Variants in ARNT observed in about 807,000 individuals in gnomAD.
ARNT encodes the protein class E basic helix-loop-helix protein 2.
In ARNT, 30 loss-of-function variants were observed where a neutral mutation model predicts 105.0. That is an observed-to-expected ratio of 0.29 (90% confidence interval 0.21 to 0.39). ARNT has a LOEUF of 0.39. ARNT is among the 10% of genes least tolerant of loss of function. The probability of loss-of-function intolerance (pLI) is 1.00; values close to 1 mark genes in which losing one functional copy is unlikely to be tolerated. For missense variants in ARNT, 748 were observed against 978.7 expected (o/e 0.76, Z 3.15); for synonymous variants, 304 against 344.0 (o/e 0.88, Z 1.29).
chr1:150,834,649 A>G lies in ARNT; in HGVS notation c.701-9T>C, dbSNP rs766119017. 1 of 1,612,564 alleles carries G rather than the reference A, an allele frequency of 6.2e-7. No homozygotes were observed. The highest frequency in any genetic ancestry group is 1.3e-5 in the African/African-American group (1 of 74,866). ...TAGATCCAGGATACGCCCTGAAGGA[A>G]GATGTGAAGAGCAGTCTGGAGTGCA... On this transcript the variant is annotated splice_polypyrimidine_tract_variant and intron_variant, in intron 7 of 21. Coordinates refer to ENST00000358595, the MANE Select transcript of ARNT (RefSeq NM_001668.4).
At chr1:150,871,662 C>A (rs1667456778) in intron 1 of ARNT, among the ~76,000 whole-genome samples, 1 of 147,994 alleles carries the variant, frequency 6.8e-6, no homozygotes, top group Non-Finnish European at 1.5e-5. Flanking sequence ...GTAATCCCAG[C>A]ACTTTGGGAG....
In ARNT at chr1:150,814,036, G is replaced by C. The variant is rs199576139; in HGVS notation, c.2113+41C>G. 1,511 of 1,606,006 alleles carry C rather than the reference G, an allele frequency of 9.4e-4. 1 individual carries two copies. The highest frequency in any genetic ancestry group is 1.2e-3 in the Non-Finnish European group (1,396 of 1,174,454). Reference sequence around the variant, plus strand: ...AACTACCAAATCCTTTCTCTTTAGTGGTGCGATTTTCCTGTTACTCTCCTT... The same window carrying C: ...AACTACCAAATCCTTTCTCTTTAGTCGTGCGATTTTCCTGTTACTCTCCTT... On this transcript the variant is annotated intron_variant, in intron 20 of 21. Transcript: ENST00000358595.
At chr1:150,839,420 A>G (rs1477927569) in intron 6 of ARNT, 21 bp downstream of exon 6, 1 of 1,612,724 alleles carries the variant, frequency 6.2e-7, no homozygotes, top group Non-Finnish European at 8.5e-7. Context: ...AGACTCTCTC[A>G]GAACTATAAG....
chr1:150,876,449 G>A lies in ARNT; in HGVS notation c.25+94C>T, dbSNP rs757331508. 1.7e-3 allele frequency: 2,605 copies of A among 1,499,782 alleles called. 6 individuals are homozygous for A. The highest frequency in any genetic ancestry group is 2.2e-3 in the Non-Finnish European group (2,441 of 1,124,286). 92.9% of individuals were successfully genotyped at this position (1,499,782 alleles called of 1,614,324 possible). A position where few individuals can be genotyped will look rare whatever the true frequency, so the allele number is the denominator to read the frequency against. ...CCCCCGCCCCGCCCCGGCGCCTTCA[G>A]CTCCAGCTGCGTCCCCTCAGCCCTG... On this transcript the variant is annotated intron_variant, in intron 1 of 21. Transcript: ENST00000358595.
chr1:150,859,910 T>C (rs1437386443), intron 1 of ARNT, among the ~76,000 whole-genome samples: 1 of 151,660 alleles, frequency 6.6e-6, no homozygotes, highest in Non-Finnish European at 1.5e-5. Flanking sequence ...AAGAGGTTGA[T>C]GTGGGAGGAT....
intron 9 of ARNT, 50 bp from the exon 10 acceptor site, chr1:150,831,953 A>T (rs10305704): frequency 8.2e-7 from 1 of 1,218,466 alleles, no homozygotes; most frequent in Non-Finnish European, 1.2e-6. Flanking sequence ...CTACCCGTAA[A>T]ACTCAAAGGG....
chr1:150,809,893 G>A lies in ARNT; in HGVS notation c.*2128C>T, dbSNP rs1198668956. On this transcript the variant is annotated 3_prime_UTR_variant, in exon 22 of 22. Coordinates refer to ENST00000358595, the MANE Select transcript of ARNT (RefSeq NM_001668.4). ...GCTGATGTTACTCAGAATGTGTCAG[G>A]ATCAGGAGGACAAGTGAGGGGGGAG... 8.9e-6 allele frequency: 2 copies of A among 223,872 alleles called. No homozygotes were observed. The highest frequency in any genetic ancestry group is 2.2e-5 in the African/African-American group (1 of 44,758). 13.9% of individuals were successfully genotyped at this position (223,872 alleles called of 1,614,324 possible).
At chr1:150,851,046 C>T (rs1248689169) in intron 3 of ARNT, among the ~76,000 whole-genome samples, 7 of 150,192 alleles carry the variant, frequency 4.7e-5, no homozygotes, top group East Asian at 2.0e-4. Flanking sequence ...CCCCTCCGCC[C>T]GGCAGCCGCC....
chr1:150,825,129 G>A (rs1347387117), intron 13 of ARNT, among the ~76,000 whole-genome samples: 2 of 152,012 alleles, frequency 1.3e-5, no homozygotes, highest in Non-Finnish European at 2.9e-5. Flanking sequence ...CAAAGTGCTG[G>A]GATTACAGGC....
chr1:150,816,183 A>G (rs1301186176), intron 19 of ARNT, 76 bp downstream of exon 19: 1 of 1,511,344 alleles, frequency 6.6e-7, no homozygotes, highest in Admixed American at 2.3e-5. Flanking sequence ...AATAGAAAAC[A>G]CTGATTTTAC....
At chr1:150,875,760 T>C (rs1668142867) in intron 1 of ARNT, among the ~76,000 whole-genome samples, 1 of 152,222 alleles carries the variant, frequency 6.6e-6, no homozygotes, top group Admixed American at 6.5e-5. Flanking sequence ...TTTTTGATAT[T>C]TGATTATTTT....
At chr1:150,846,343 C>T (rs761486793) in intron 3 of ARNT, 36 bp from the exon 4 acceptor site, 4 of 1,602,438 alleles carry the variant, frequency 2.5e-6, no homozygotes, top group African/African-American at 1.3e-5. Flanking sequence ...CAAAGCATTA[C>T]ACTTGTTATA....
intron 2 of ARNT, among the ~76,000 whole-genome samples, chr1:150,854,317 G>A (rs1176745486): frequency 6.6e-6 from 1 of 152,102 alleles, no homozygotes; most frequent in Non-Finnish European, 1.5e-5. Context: ...ACGCACTTTG[G>A]GAGGCCAAGG....
intron 13 of ARNT, among the ~76,000 whole-genome samples, chr1:150,824,379 C>A (rs953769622): frequency 1.3e-5 from 2 of 151,712 alleles, no homozygotes; most frequent in African/African-American, 4.8e-5. Flanking sequence ...AGTTTAAGGA[C>A]ACAGAATATA....
chr1:150,834,764 G>T, intron 7 of ARNT, 124 bp from the exon 8 acceptor site: 3 of 705,260 alleles, frequency 4.3e-6, no homozygotes, highest in Non-Finnish European at 4.7e-6. Flanking sequence ...GCTTATAACA[G>T]AACTGACCAA....
chr1:150,842,257 G>C (rs769642955), intron 5 of ARNT, 167 bp downstream of exon 5: 48 of 985,170 alleles, frequency 4.9e-5, no homozygotes, highest in Middle Eastern at 5.2e-4. Context: ...TTTCTGATGG[G>C]GGAAGCCAAA....
intron 2 of ARNT, among the ~76,000 whole-genome samples, chr1:150,856,172 G>A (rs949220663): frequency 9.9e-5 from 15 of 152,190 alleles, no homozygotes; most frequent in Non-Finnish European, 7.3e-5. Flanking sequence ...CGGGTGCAGT[G>A]GCTCGTGCCT....
At chr1:150,867,030 AC>A (rs1163006100) in intron 1 of ARNT, among the ~76,000 whole-genome samples, 1 of 152,008 alleles carries the variant, frequency 6.6e-6, no homozygotes, top group East Asian at 1.9e-4. Flanking sequence ...ACATGGTGAA[AC>A]CCCATCTCTA....
In ARNT at chr1:150,817,039, G is replaced by A. The variant is rs767533141; in HGVS notation, c.1699+43C>T. The A allele has an allele frequency of 2.5e-6, 4 of 1,613,008 alleles. No homozygotes were observed. In the African/African-American group the frequency reaches 5.3e-5, roughly 22 times the overall value. ...GGCAGTGGCATGCCCATCAGTAAGTGATCTAAATGAGAATTTAAAAGGATA... is the reference window on the plus strand; with the variant it reads ...GGCAGTGGCATGCCCATCAGTAAGTAATCTAAATGAGAATTTAAAAGGATA... On this transcript the variant is annotated intron_variant, in intron 17 of 21. Coordinates refer to ENST00000358595, the MANE Select transcript of ARNT (RefSeq NM_001668.4).
Sources: gnomAD v4.1 joint callset for allele counts (sites outside exome capture counted in the v4.1 genomes callset) on GRCh38, gnomAD v4.1.1 for gene constraint, MANE v1.5 for transcripts, NCBI Gene and HGNC (gene_info 2026-07-23, HGNC 2026-07-21) for gene names.